Variants in ZNF276 observed in about 807,000 individuals in gnomAD.
ZNF276 encodes centromere protein Z.
Under a neutral mutation model 63.9 loss-of-function variants are expected in ZNF276, and 59 were observed. The ratio of observed to expected loss-of-function variants is 0.92; its 90% confidence interval spans 0.75 to 1.15. ZNF276 has a LOEUF of 1.15. ZNF276 is among the 50% of genes most tolerant of loss of function. The pLI, the probability that ZNF276 is intolerant of heterozygous loss-of-function variation, is 0.00. For synonymous variants in ZNF276, 496 were observed against 348.4 expected, an observed-to-expected ratio of 1.42 and a Z score of -4.72; for missense variants, 1,084 against 843.8, an observed-to-expected ratio of 1.28 and a Z score of -3.53.
rs776733543 is a variant in ZNF276 at position 89,723,242 on chromosome 16, T to A, written c.557-18T>A. On this transcript the variant is annotated intron_variant, in intron 3 of 10. Coordinates refer to ENST00000443381, the MANE Select transcript of ZNF276 (RefSeq NM_001113525.2). The stretch of plus-strand genomic sequence containing the variant: ...GCCGACCAGCCGTGGATCTGACATC[T>A]CTGTTGACTCTCTGCAGTGGATCTG... The A allele has an allele frequency of 6.2e-7, 1 of 1,613,222 alleles. No individual in the cohort carries two copies. The highest frequency in any genetic ancestry group is 8.5e-7 in the Non-Finnish European group (1 of 1,180,014).
chr16:89,733,611 G>C (rs534899963), intron 8 of ZNF276, 54 bp downstream of exon 8: 3 of 1,595,506 alleles, frequency 1.9e-6, no homozygotes, highest in Non-Finnish European at 1.7e-6. Flanking sequence ...GTGAACCTGG[G>C]GGAGGTAGCA....
In ZNF276 at chr16:89,739,174, C is replaced by T. The variant is rs1403859556; in HGVS notation, c.*928C>T. 18 of 1,614,070 alleles carry T rather than the reference C, an allele frequency of 1.1e-5. 1 individual carries two copies. In the South Asian group the frequency reaches 1.4e-4, roughly 13 times the overall value. ...AGGCTCCTGCCAGCTGGAGGTGAAA[C>T]TGTGCTTGTATCCCCAGCCACGAAG... is the stretch of plus-strand genomic sequence containing the variant. On this transcript the variant is annotated 3_prime_UTR_variant, in exon 11 of 11. Coordinates refer to ENST00000443381, the MANE Select transcript of ZNF276 (RefSeq NM_001113525.2).
At chr16:89,726,395 C>T (rs2061471306) in intron 4 of ZNF276, among the ~76,000 whole-genome samples, 1 of 152,052 alleles carries the variant, frequency 6.6e-6, no homozygotes, top group Non-Finnish European at 1.5e-5. Flanking sequence ...TGGGGTTTCT[C>T]CATGTTGGTA....
intron 5 of ZNF276, 32 bp from the exon 6 acceptor site, chr16:89,729,203 G>A (rs779833307): frequency 6.2e-7 from 1 of 1,604,466 alleles, no homozygotes. Flanking sequence ...CCAGGCCCAG[G>A]GCTTTGCTGA....
In ZNF276 at chr16:89,729,294, CCTTT is replaced by C; in HGVS notation, c.1146_1149del (p.Phe383SerfsTer68). ...CAAAATGCCCAGTCTTCGGACGAGT[CCTTT>C]GAGCCTTACCCAGAAAGGAAGTAAG... On this transcript the variant is annotated frameshift_variant, in exon 6 of 11. Coordinates refer to ENST00000443381, the MANE Select transcript of ZNF276 (RefSeq NM_001113525.2). LOFTEE classifies it high-confidence loss of function. 1.2e-6 allele frequency: 2 copies of C among 1,614,086 alleles called. No individual in the cohort carries two copies. Among genetic ancestry groups the C allele is most frequent in the Non-Finnish European group, 1.7e-6 (2 of 1,180,024 alleles).
intron 5 of ZNF276, among the ~76,000 whole-genome samples, chr16:89,728,937 G>A (rs2061558491): frequency 6.6e-6 from 1 of 152,210 alleles, no homozygotes; most frequent in African/African-American, 2.4e-5. Flanking sequence ...TGCTTAGCAG[G>A]AAGCTACCTT....
intron 5 of ZNF276, among the ~76,000 whole-genome samples, chr16:89,728,286 G>A (rs2151676705): frequency 6.8e-6 from 1 of 146,164 alleles, no homozygotes; most frequent in Non-Finnish European, 1.5e-5. Context: ...GTGCAGTGGT[G>A]TGACCTCAGC....
In ZNF276 at chr16:89,723,320, A is replaced by C; in HGVS notation, c.617A>C (p.His206Pro). ...LHGLVGWVHG[H>P]AASCGALPHL... ...GGCTTGGTGGGGTGGGTGCATGGACATGCGGCCAGCTGCGGGGCCCTGCCC... is the reference window on the plus strand; with the variant it reads ...GGCTTGGTGGGGTGGGTGCATGGACCTGCGGCCAGCTGCGGGGCCCTGCCC... Residue 206 changes from histidine (H) to proline (P), a missense_variant, in exon 4 of 11, where the codon CAT (histidine) becomes CCT (proline). Physicochemically the swap from His to Pro is moderately conservative, Grantham distance 77 (BLOSUM62 -2). Transcript: ENST00000443381. 1 of 1,613,040 alleles carries C rather than the reference A, an allele frequency of 6.2e-7. No homozygotes were observed. The highest frequency in any genetic ancestry group is 8.5e-7 in the Non-Finnish European group (1 of 1,180,024).
chr16:89,737,621 A>G (rs556907805), intron 9 of ZNF276, 185 bp from the exon 10 acceptor site: 2 of 1,142,246 alleles, frequency 1.8e-6, no homozygotes, highest in East Asian at 5.3e-5. Context: ...GCCACGTGAC[A>G]GTGTATAAAG....
At position 89,740,429 on chromosome 16, in the gene ZNF276, A is replaced by T; in HGVS notation, c.*2183A>T. Reference sequence around the variant, plus strand: ...CCGAGGTCGGCGGATCACTGAGGCCAGTTCAAGACCAGCCTGGCAATATGG... The same window carrying T: ...CCGAGGTCGGCGGATCACTGAGGCCTGTTCAAGACCAGCCTGGCAATATGG... On this transcript the variant is annotated 3_prime_UTR_variant, in exon 11 of 11. Coordinates refer to ENST00000443381, the MANE Select transcript of ZNF276 (RefSeq NM_001113525.2). The T allele has an allele frequency of 2.2e-6, 1 of 462,982 alleles. No individual in the cohort carries two copies. Among genetic ancestry groups the T allele is most frequent in the South Asian group, 2.4e-5 (1 of 41,936 alleles). 28.7% of individuals were successfully genotyped at this position (462,982 alleles called of 1,614,324 possible).
chr16:89,739,380 GCA>G lies in ZNF276; in HGVS notation c.*1137_*1138del. 1 of 1,579,100 alleles carries G rather than the reference GCA, an allele frequency of 6.3e-7. No individual in the cohort carries two copies. Among genetic ancestry groups the G allele is most frequent in the African/African-American group, 1.3e-5 (1 of 74,496 alleles). On this transcript the variant is annotated 3_prime_UTR_variant, in exon 11 of 11. Transcript: ENST00000443381. The stretch of plus-strand genomic sequence containing the variant: ...GATACTGCTCATCTGTGGAGCAGAG[GCA>G]CAGACAACCCTTCCCATCTGGCGGG...
At chr16:89,733,143 G>A (rs2061730809) in intron 6 of ZNF276, 159 bp from the exon 7 acceptor site, 1 of 690,368 alleles carries the variant, frequency 1.4e-6, no homozygotes. Context: ...GTCCAGAGTT[G>A]CTCTGGCTTT....
chr16:89,726,304 C>G (rs979150759), intron 4 of ZNF276, among the ~76,000 whole-genome samples: 1 of 152,172 alleles, frequency 6.6e-6, no homozygotes, highest in Non-Finnish European at 1.5e-5. Flanking sequence ...TCAAGCGATT[C>G]TCCTGCCTCA....
At chr16:89,723,819 G>A in intron 4 of ZNF276, 110 bp downstream of exon 4, 1 of 1,194,240 alleles carries the variant, frequency 8.4e-7, no homozygotes, top group East Asian at 2.6e-5. Flanking sequence ...GCTGGGGTGT[G>A]GTGTGAGAAG....
chr16:89,739,147 C>G lies in ZNF276; in HGVS notation c.*901C>G, dbSNP rs1301606691. ...CTTGCACCTGCCTGACCCTTGAGCT[C>G]CAGGCTCCTGCCAGCTGGAGGTGAA... On this transcript the variant is annotated 3_prime_UTR_variant, in exon 11 of 11. Transcript: ENST00000443381. 1 of 1,614,156 alleles carries G rather than the reference C, an allele frequency of 6.2e-7. No homozygotes were observed. The highest frequency in any genetic ancestry group is 8.5e-7 in the Non-Finnish European group (1 of 1,180,032).
Position 89,740,636 on chromosome 16 carries a change from C to CAAAAAAAA in ZNF276, c.*2401_*2408dup, listed in dbSNP as rs371709074. Reference sequence around the variant, plus strand: ...GGGTGACAGAGTGAGACCCCCATCTCAAAAAAAAAAAAAAAAAACCCACGG... The same window carrying CAAAAAAAA: ...GGGTGACAGAGTGAGACCCCCATCTCAAAAAAAAAAAAAAAAAAAAAAAAAACCCACGG... On this transcript the variant is annotated 3_prime_UTR_variant, in exon 11 of 11. Transcript: ENST00000443381. 60 of 461,286 alleles carry CAAAAAAAA rather than the reference C, an allele frequency of 1.3e-4. No individual in the cohort carries two copies. Among genetic ancestry groups the CAAAAAAAA allele is most frequent in the East Asian group, 3.2e-4 (9 of 27,704 alleles). 28.6% of individuals were successfully genotyped at this position (461,286 alleles called of 1,614,324 possible).
rs761988162 is a variant in ZNF276 at position 89,739,290 on chromosome 16, C to T, written c.*1044C>T. 1 of 1,614,138 alleles carries T rather than the reference C, an allele frequency of 6.2e-7. No homozygotes were observed. Reference sequence around the variant, plus strand: ...GTCTTCATGGAAGTAGGAGAGAAGACTAGAGGTAAAGACATAGTGACAAAT... The same window carrying T: ...GTCTTCATGGAAGTAGGAGAGAAGATTAGAGGTAAAGACATAGTGACAAAT... On this transcript the variant is annotated 3_prime_UTR_variant, in exon 11 of 11. Transcript: ENST00000443381.
Position 89,727,317 on chromosome 16 carries a change from G to C in ZNF276, c.1045G>C (p.Asp349His). The change falls in exon 5 of 11, where the codon GAT becomes CAT. Residue 349 changes from aspartate to histidine, a missense_variant. Asp to His is a moderately conservative substitution (Grantham distance 81). Coordinates refer to ENST00000443381, the MANE Select transcript of ZNF276 (RefSeq NM_001113525.2). ...GEKQLPSSTSDDRVKDEFSDL... is the reference protein window; with the variant it reads ...GEKQLPSSTSHDRVKDEFSDL... ...GAAGCAGCTTCCATCTTCAACCTCG[G>C]ATGATCGGGTAAAAGACGAGTTCAG... 1.9e-6 allele frequency: 3 copies of C among 1,614,152 alleles called. No homozygotes were observed. The highest frequency in any genetic ancestry group is 1.7e-6 in the Non-Finnish European group (2 of 1,180,040).
intron 6 of ZNF276, among the ~76,000 whole-genome samples, chr16:89,730,917 G>A (rs921941189): frequency 8.5e-5 from 13 of 152,366 alleles, no homozygotes; most frequent in African/African-American, 3.1e-4. Context: ...TTAATGAGGG[G>A]TCAGTGGTTC....
Sources: gnomAD v4.1 joint callset for allele counts (sites outside exome capture counted in the v4.1 genomes callset) on GRCh38, gnomAD v4.1.1 for gene constraint, MANE v1.5 for transcripts, NCBI Gene and HGNC (gene_info 2026-07-23, HGNC 2026-07-21) for gene names.